The following DLGAP1 variants were observed in gnomAD, a reference collection of about 807,000 sequenced individuals.
DLGAP1 encodes DLG associated protein 1.
Under a neutral mutation model 90.8 loss-of-function variants are expected in DLGAP1, and 11 were observed. That is an observed-to-expected ratio of 0.12 (90% confidence interval 0.08 to 0.20). The LOEUF (loss-of-function observed/expected upper bound fraction) is 0.20, where lower values mean the gene tolerates loss of function less well. DLGAP1 is among the 10% of genes least tolerant of loss of function. The pLI, the probability that DLGAP1 is intolerant of heterozygous loss-of-function variation, is 1.00. For synonymous variants in DLGAP1, 558 were observed against 540.7 expected (o/e 1.03, Z -0.44); for missense variants, 1,050 against 1,333.8 (o/e 0.79, Z 3.31).
intron 9 of DLGAP1, among the ~76,000 whole-genome samples, chr18:3,545,253 G>A (rs1021276574): frequency 7.9e-5 from 12 of 151,426 alleles, no homozygotes; most frequent in African/African-American, 2.4e-4. Context: ...CAGCCTGGGT[G>A]ACAGAGCAAA....
In DLGAP1 at chr18:3,517,842, T is replaced by A. The variant is rs2050939899; in HGVS notation, c.2480-9181A>T. 1.4e-5 allele frequency among the ~76,000 whole-genome samples: 2 copies of A among 147,034 alleles called. No individual in the cohort carries two copies. Among genetic ancestry groups the A allele is most frequent in the African/African-American group, 2.5e-5 (1 of 39,864 alleles). On this transcript the variant is annotated intron_variant, in intron 10 of 12. Coordinates refer to ENST00000315677, the MANE Select transcript of DLGAP1 (RefSeq NM_004746.4). This position sits in a 1 kb window ranked among gnomAD's most constrained non-coding sequence, Gnocchi z 4.1. Reference sequence around the variant, plus strand: ...CGGAAAAAAAAAAAAAAGAAGAGAGTCACAATGTGTCTCTGATTAAGCTTT... The same window carrying A: ...CGGAAAAAAAAAAAAAAGAAGAGAGACACAATGTGTCTCTGATTAAGCTTT...
chr18:4,275,806 A>G (rs2079398837), intron 1 of DLGAP1, among the ~76,000 whole-genome samples: 1 of 152,216 alleles, frequency 6.6e-6, no homozygotes, highest in Non-Finnish European at 1.5e-5. Flanking sequence ...AATCATATAC[A>G]ATAAAATATA....
chr18:4,192,765 G>GCAGACTAGA (rs1451705286), intron 1 of DLGAP1, among the ~76,000 whole-genome samples: 2 of 152,168 alleles, frequency 1.3e-5, no homozygotes, highest in African/African-American at 4.8e-5. Context: ...ATGTGGATCT[G>GCAGACTAGA]CAGACTAGAG....
chr18:4,043,545 C>CTTATTTAT (rs58833523), intron 2 of DLGAP1, among the ~76,000 whole-genome samples: 5,675 of 151,782 alleles, frequency 0.037, 225 homozygotes, highest in African/African-American at 0.093. Context: ...TAACCTACAT[C>CTTATTTAT]TTATTTATTT....
At chr18:4,325,005 G>A (rs1158374177) in intron 1 of DLGAP1, among the ~76,000 whole-genome samples, 1 of 152,120 alleles carries the variant, frequency 6.6e-6, no homozygotes, top group Non-Finnish European at 1.5e-5. Context: ...GGTATTGGAA[G>A]TCCCGACAAG....
chr18:3,704,528 C>CCACTG (rs966390468), intron 7 of DLGAP1, among the ~76,000 whole-genome samples: 1 of 151,938 alleles, frequency 6.6e-6, no homozygotes, highest in African/African-American at 2.4e-5. Context: ...CGAGACTGCA[C>CCACTG]CACTGCACTC....
intron 1 of DLGAP1, among the ~76,000 whole-genome samples, chr18:4,272,938 C>T (rs2145368389): frequency 6.6e-6 from 1 of 152,220 alleles, no homozygotes; most frequent in East Asian, 1.9e-4. Context: ...GAGACTGCAG[C>T]TACAAGCCAA....
intron 3 of DLGAP1, among the ~76,000 whole-genome samples, chr18:3,965,054 A>G (rs886942494): frequency 1.3e-5 from 2 of 152,212 alleles, no homozygotes; most frequent in Non-Finnish European, 2.9e-5. Flanking sequence ...TGTTGTTTTT[A>G]AGGCTATAGT....
chr18:3,967,542 C>T (rs2073355665), intron 3 of DLGAP1, among the ~76,000 whole-genome samples: 1 of 152,200 alleles, frequency 6.6e-6, no homozygotes, highest in African/African-American at 2.4e-5. Flanking sequence ...CTGCAGGTGA[C>T]TGATGCCGGC....
chr18:4,249,476 T>C (rs2078732460), intron 1 of DLGAP1, among the ~76,000 whole-genome samples: 1 of 151,106 alleles, frequency 6.6e-6, no homozygotes, highest in African/African-American at 2.4e-5. Flanking sequence ...AAAGTGAATA[T>C]TGGCTATGCA....
intron 8 of DLGAP1, among the ~76,000 whole-genome samples, chr18:3,569,235 C>T (rs550426015): frequency 1.4e-4 from 21 of 151,368 alleles, no homozygotes; most frequent in Non-Finnish European, 2.5e-4. Flanking sequence ...CTCCTGACCT[C>T]GTGATTTGAG....
At chr18:4,405,281 A>G (rs1301679368) in intron 1 of DLGAP1, among the ~76,000 whole-genome samples, 1 of 152,142 alleles carries the variant, frequency 6.6e-6, no homozygotes, top group East Asian at 1.9e-4. Context: ...GTGGTGGTCC[A>G]TTTTCCACTG....
intron 2 of DLGAP1, among the ~76,000 whole-genome samples, chr18:4,039,685 A>C (rs2074947002): frequency 6.6e-6 from 1 of 152,140 alleles, no homozygotes; most frequent in Non-Finnish European, 1.5e-5. Context: ...TTAGAGTATG[A>C]CTCTTCAAAT....
intron 1 of DLGAP1, among the ~76,000 whole-genome samples, chr18:4,343,506 A>T (rs1455182249): frequency 6.6e-6 from 1 of 152,110 alleles, no homozygotes; most frequent in Non-Finnish European, 1.5e-5. Context: ...AAATAAGGGT[A>T]AAACAGCCAA....
At chr18:4,060,724 C>T (rs4474783) in intron 2 of DLGAP1, among the ~76,000 whole-genome samples, 37,015 of 151,808 alleles carry the variant, frequency 0.24, 5,619 homozygotes, top group African/African-American at 0.41. Context: ...AAGTATTTCT[C>T]GTAAGGAAGA....
intron 1 of DLGAP1, among the ~76,000 whole-genome samples, chr18:4,177,660 CTTT>C (rs1351447061): frequency 3.9e-5 from 6 of 152,066 alleles, no homozygotes; most frequent in Non-Finnish European, 8.8e-5. Context: ...CTGCTCCCTT[CTTT>C]GTGTCTATGT....
chr18:3,889,997 C>T (rs2071418139), intron 3 of DLGAP1, among the ~76,000 whole-genome samples: 1 of 152,134 alleles, frequency 6.6e-6, no homozygotes, highest in South Asian at 2.1e-4. Flanking sequence ...AGGCCTGGCT[C>T]CCTGCCCAGA....
At chr18:3,679,334 A>G (rs1942954731) in intron 7 of DLGAP1, among the ~76,000 whole-genome samples, 1 of 152,084 alleles carries the variant, frequency 6.6e-6, no homozygotes, top group Admixed American at 6.6e-5. Flanking sequence ...TGTAATTATG[A>G]AACTACTTGT....
chr18:4,113,448 T>C (rs992155745), intron 2 of DLGAP1, among the ~76,000 whole-genome samples: 2 of 152,154 alleles, frequency 1.3e-5, no homozygotes, highest in Non-Finnish European at 2.9e-5. Context: ...ATGAACATTT[T>C]TAATGGGGTT....
Sources: allele counts gnomAD v4.1 joint callset (sites outside exome capture counted in the v4.1 genomes callset), GRCh38; gene constraint gnomAD v4.1.1; non-coding constraint Gnocchi (gnomAD v3.1); transcripts MANE v1.5; gene names NCBI Gene and HGNC (gene_info 2026-07-23, HGNC 2026-07-21).